Variants in ICE2 observed in about 807,000 individuals in gnomAD.
ICE2 encodes the protein interactor of little elongation complex ELL subunit 2, also known as little elongation complex subunit 2.
Under a neutral mutation model 105.4 loss-of-function variants are expected in ICE2, and 87 were observed. The observed-to-expected ratio is 0.83, with a 90% CI of 0.69 to 0.99. The LOEUF (loss-of-function observed/expected upper bound fraction) is 0.99. Ranked by LOEUF, ICE2 falls within the 50% of genes least tolerant of loss-of-function variation. The pLI is 0.00. For missense variants in ICE2, 1,323 were observed against 1,146.7 expected, an observed-to-expected ratio of 1.15 and a Z score of -2.22; for synonymous variants, 399 against 392.0, an observed-to-expected ratio of 1.02 and a Z score of -0.21.
At chr15:60,452,305 G>T (rs1046008544) in intron 9 of ICE2, 4 of 880,560 alleles carry the variant, frequency 4.5e-6, no homozygotes, top group African/African-American at 3.6e-5. Context: ...TTAAGTACAA[G>T]AAAAACATTT....
chr15:60,445,447 C>T (rs1351197350), intron 11 of ICE2: 2 of 390,618 alleles, frequency 5.1e-6, no homozygotes, highest in Non-Finnish European at 3.5e-6. Context: ...AAGGGGCATA[C>T]ATTTTACTAA....
chr15:60,474,755 G>T (rs532235049), intron 3 of ICE2, among the ~76,000 whole-genome samples: 19 of 152,282 alleles, frequency 1.2e-4, no homozygotes, highest in African/African-American at 3.6e-4. Flanking sequence ...GAGAGAAAAG[G>T]TAAGAAAGTA....
intron 11 of ICE2, 136 bp downstream of exon 11, chr15:60,447,834 C>T (rs988318074): frequency 1.2e-5 from 8 of 695,266 alleles, no homozygotes; most frequent in Non-Finnish European, 1.6e-5. Flanking sequence ...TTAGTAAAAA[C>T]AAAAAACAAA....
intron 12 of ICE2, 27 bp downstream of exon 12, chr15:60,442,389 G>C: frequency 6.4e-7 from 1 of 1,562,758 alleles, no homozygotes; most frequent in South Asian, 1.2e-5. Flanking sequence ...AATTAAAAAG[G>C]AGAATAAAGA....
intron 5 of ICE2, among the ~76,000 whole-genome samples, chr15:60,463,390 C>A (rs1471916988): frequency 6.6e-6 from 1 of 152,098 alleles, no homozygotes; most frequent in East Asian, 1.9e-4. Flanking sequence ...AATGAATGAA[C>A]TACAACTCAT....
chr15:60,438,677 A>T (rs2063650338), intron 12 of ICE2: 1 of 152,262 alleles, frequency 6.6e-6, no homozygotes, highest in African/African-American at 2.4e-5. Flanking sequence ...TGTCAAAAAT[A>T]ACTATACAGA....
chr15:60,479,043 C>T lies in ICE2; in HGVS notation c.-133G>A, dbSNP rs1227780198. The T allele has an allele frequency of 2.2e-6, 1 of 455,998 alleles. No homozygotes were observed. The highest frequency in any genetic ancestry group is 2.0e-5 in the African/African-American group (1 of 50,192). The allele number at this position is 455,998 out of a possible 1,614,324, so 28.2% of individuals were successfully genotyped here. A position where few individuals can be genotyped will look rare whatever the true frequency, so the allele number is the denominator to read the frequency against. On this transcript the variant is annotated 5_prime_UTR_variant, in exon 1 of 16. The change creates a new upstream start codon in the 5' untranslated region. Transcript: ENST00000261520. ...GGCTCTTGCCCAGGCCGCAGCCACA[C>T]ACCACACACGCTCCACCCCACTCCT...
At chr15:60,429,834 G>A (rs558729795) in intron 14 of ICE2, among the ~76,000 whole-genome samples, 2 of 152,028 alleles carry the variant, frequency 1.3e-5, no homozygotes, top group Admixed American at 1.3e-4. Flanking sequence ...CAAAGATTGA[G>A]TTTTAATCAA....
rs2063238335 is a variant in ICE2 at position 60,421,054 on chromosome 15, G to T, written c.*2580C>A. On this transcript the variant is annotated 3_prime_UTR_variant, in exon 16 of 16. Transcript: ENST00000261520. ...AAAACAAGGCTATGAGAGAATAACT[G>T]TGGGGACCTACTTTGGAGTGCATGG... The T allele has an allele frequency of 1.3e-5, 2 of 152,286 alleles. No individual in the cohort carries two copies. The highest frequency in any genetic ancestry group is 4.2e-4 in the South Asian group (2 of 4,816). 9.4% of individuals were successfully genotyped at this position (152,286 alleles called of 1,614,324 possible). A position where few individuals can be genotyped will look rare whatever the true frequency, so the allele number is the denominator to read the frequency against.
rs553245848 is a variant in ICE2 at position 60,453,892 on chromosome 15, A to G, written c.944-108T>C. ...TCACCAAACAAAGAGACACAGGAGA[A>G]TGGCAGCACATGTCCCATATATTTG... On this transcript the variant is annotated intron_variant, in intron 8 of 15. Coordinates refer to ENST00000261520, the MANE Select transcript of ICE2 (RefSeq NM_024611.6). 1.6e-5 allele frequency: 13 copies of G among 801,104 alleles called. No individual in the cohort carries two copies. In the African/African-American group the frequency reaches 1.7e-4, roughly 11 times the overall value. 49.6% of individuals were successfully genotyped at this position (801,104 alleles called of 1,614,324 possible).
Position 60,448,739 on chromosome 15 carries a change from T to C in ICE2, c.2119+109A>G, listed in dbSNP as rs1042448805. Reference sequence around the variant, plus strand: ...ATCGAAAAAATGAAATATCAGTGACTATATGACAATTACAAAACAGGTTAT... The same window carrying C: ...ATCGAAAAAATGAAATATCAGTGACCATATGACAATTACAAAACAGGTTAT... On this transcript the variant is annotated intron_variant, in intron 10 of 15. Coordinates refer to ENST00000261520, the MANE Select transcript of ICE2 (RefSeq NM_024611.6). 5 of 899,122 alleles carry C rather than the reference T, an allele frequency of 5.6e-6. No homozygotes were observed. The African/African-American group carries it at 8.5e-5, about 15-fold the overall frequency. 55.7% of individuals were successfully genotyped at this position (899,122 alleles called of 1,614,324 possible).
Position 60,420,365 on chromosome 15 carries a change from G to C in ICE2, c.*3269C>G, listed in dbSNP as rs1392429212. 6.6e-6 allele frequency: 1 copy of C among 151,108 alleles called. No homozygotes were observed. Among genetic ancestry groups the C allele is most frequent in the East Asian group, 1.9e-4 (1 of 5,148 alleles). 9.4% of individuals were successfully genotyped at this position (151,108 alleles called of 1,614,324 possible). ...CTCCTATTCTTGCTGCTTTAATTCT[G>C]GGCCATTGCCATTTTTCAGTTACTA... On this transcript the variant is annotated 3_prime_UTR_variant, in exon 16 of 16. Transcript: ENST00000261520.
intron 5 of ICE2, among the ~76,000 whole-genome samples, chr15:60,464,689 T>A (rs1364785529): frequency 7.0e-6 from 1 of 142,340 alleles, no homozygotes; most frequent in African/African-American, 2.6e-5. Flanking sequence ...GGATGGGGGA[T>A]GGGAGGGAGG....
chr15:60,434,480 G>C (rs1209130225), intron 13 of ICE2, among the ~76,000 whole-genome samples: 1 of 147,272 alleles, frequency 6.8e-6, no homozygotes, highest in African/African-American at 2.6e-5. Context: ...TCACAAATTG[G>C]GTCTGTGCTC....
At chr15:60,445,595 T>C (rs2063805910) in intron 11 of ICE2, 1 of 963,106 alleles carries the variant, frequency 1.0e-6, no homozygotes, top group African/African-American at 1.8e-5. Context: ...GGTGTGACTA[T>C]TTTGACATAT....
chr15:60,436,587 C>A (rs1352296619), intron 12 of ICE2, among the ~76,000 whole-genome samples: 1 of 150,748 alleles, frequency 6.6e-6, no homozygotes, highest in South Asian at 2.1e-4. Flanking sequence ...TAGTGGCGGG[C>A]GCCTGTAGTC....
chr15:60,471,680 C>T (rs1280364248), intron 3 of ICE2, among the ~76,000 whole-genome samples: 1 of 152,042 alleles, frequency 6.6e-6, no homozygotes, highest in Non-Finnish European at 1.5e-5. Flanking sequence ...GACAGGGTTT[C>T]TCTATTCACG....
Position 60,428,569 on chromosome 15 carries a change from C to G in ICE2, c.2680G>C (p.Gly894Arg). 6.2e-7 allele frequency: 1 copy of G among 1,613,972 alleles called. No individual in the cohort carries two copies. ...TAYNLYKTHC[G>R]LPGVPSSLSV... The stretch of plus-strand genomic sequence containing the variant: ...AGACTGGAAGGTACACCAGGAAGGC[C>G]GCAATGTGTTTTATACAAATTGTAT... The change falls in exon 15 of 16, where the codon GGC becomes CGC. Residue 894 changes from glycine (G) to arginine (R), a missense_variant. Transcript: ENST00000261520.
In ICE2 at chr15:60,442,463, C is replaced by T. The variant is rs745728385; in HGVS notation, c.2378G>A (p.Arg793His). The T allele has an allele frequency of 4.2e-5, 67 of 1,600,440 alleles. No homozygotes were observed. The highest frequency in any genetic ancestry group is 1.4e-4 in the East Asian group (6 of 44,280). The change falls in exon 12 of 16, where the codon CGC (arginine) becomes CAC (histidine). Residue 793 changes from arginine to histidine, a missense_variant. Transcript: ENST00000261520. ...ATGCAATAAACTTTCAGTCCATAAG[C>T]GACAAAGTTCACTTTCAGTCAGAGC... ...VEALTESELC[R>H]LWTESLLHSN... is the part of the protein sequence containing the mutation.
Sources: gnomAD v4.1 joint callset for allele counts (sites outside exome capture counted in the v4.1 genomes callset) on GRCh38, gnomAD v4.1.1 for gene constraint, MANE v1.5 for transcripts, NCBI Gene and HGNC (gene_info 2026-07-23, HGNC 2026-07-21) for gene names.